The following MARCHF1 variants were observed in gnomAD, a reference collection of about 807,000 sequenced individuals.
MARCHF1 encodes membrane associated ring-CH-type finger 1, also known as E3 ubiquitin-protein ligase MARCHF1.
MARCHF1 carries 40 observed loss-of-function variants against 54.2 expected under a neutral mutation model. The ratio of observed to expected loss-of-function variants is 0.74; its 90% confidence interval spans 0.57 to 0.96. The LOEUF (loss-of-function observed/expected upper bound fraction) is 0.96, where lower values mean the gene tolerates loss of function less well. MARCHF1 is among the 40% of genes least tolerant of loss of function. The pLI is 0.00. For synonymous variants in MARCHF1, 236 were observed against 236.3 expected (o/e 1.00, Z 0.01); for missense variants, 586 against 656.5 (o/e 0.89, Z 1.17).
chr4:163,795,418 T>TG (rs1747886778), intron 4 of MARCHF1, among the ~76,000 whole-genome samples: 1 of 152,048 alleles, frequency 6.6e-6, no homozygotes, highest in Non-Finnish European at 1.5e-5. Flanking sequence ...TTAGTAGAGA[T>TG]GGGGTTTCAC....
chr4:164,284,431 G>C (rs762402545), intron 1 of MARCHF1, among the ~76,000 whole-genome samples: 1 of 150,738 alleles, frequency 6.6e-6, no homozygotes, highest in Admixed American at 6.8e-5. Context: ...ACGCCCTATA[G>C]TGTTTTGGTG....
intron 2 of MARCHF1, among the ~76,000 whole-genome samples, chr4:164,103,831 G>T (rs1482389567): frequency 7.7e-6 from 1 of 129,494 alleles, no homozygotes; most frequent in Non-Finnish European, 1.6e-5. Context: ...CCAGGAGCTG[G>T]TTTTTTGAAA....
chr4:163,873,043 CAAA>C lies in MARCHF1; in HGVS notation c.-38-18877_-38-18875del, dbSNP rs34308466. On this transcript the variant is annotated intron_variant, in intron 3 of 9. Coordinates refer to ENST00000514618, the MANE Select transcript of MARCHF1 (RefSeq NM_001394959.1). The stretch of plus-strand genomic sequence containing the variant: ...TGGGCGACAGAGCGAGACTCCGTCT[CAAA>C]AAAAAAACAAACAAACAAACAAAAA... Among the ~76,000 whole-genome samples, 392 of 138,354 alleles carry C rather than the reference CAAA, an allele frequency of 2.8e-3. 1 individual carries two copies. The highest frequency in any genetic ancestry group is 0.01 in the African/African-American group (356 of 34,812). 90.8% of individuals were successfully genotyped at this position (138,354 alleles called of 152,430 possible). A position where few individuals can be genotyped will look rare whatever the true frequency, so the allele number is the denominator to read the frequency against.
At chr4:164,230,826 T>C (rs980272920) in intron 1 of MARCHF1, among the ~76,000 whole-genome samples, 1 of 152,154 alleles carries the variant, frequency 6.6e-6, no homozygotes, top group Non-Finnish European at 1.5e-5. Context: ...ATTATTATTA[T>C]TATTCTTGGT....
chr4:164,022,859 C>A (rs1394954818), intron 2 of MARCHF1, among the ~76,000 whole-genome samples: 1 of 152,218 alleles, frequency 6.6e-6, no homozygotes, highest in Non-Finnish European at 1.5e-5. Flanking sequence ...CCCTGCCTGG[C>A]CACCCCACAG....
intron 2 of MARCHF1, among the ~76,000 whole-genome samples, chr4:164,020,463 A>G (rs974104835): frequency 6.6e-6 from 1 of 152,228 alleles, no homozygotes; most frequent in Non-Finnish European, 1.5e-5. Context: ...CTAGATCTAA[A>G]TCAGTTTACA....
At chr4:164,070,307 G>T (rs1754835809) in intron 2 of MARCHF1, among the ~76,000 whole-genome samples, 1 of 152,008 alleles carries the variant, frequency 6.6e-6, no homozygotes, top group Non-Finnish European at 1.5e-5. Flanking sequence ...ATACATACAG[G>T]CCTTAAATAA....
At chr4:163,984,060 A>G (rs1252092227) in intron 3 of MARCHF1, among the ~76,000 whole-genome samples, 2 of 152,034 alleles carry the variant, frequency 1.3e-5, no homozygotes, top group African/African-American at 2.4e-5. Flanking sequence ...GGAAAAATAT[A>G]TATCACAAAA....
At chr4:163,990,237 TA>T (rs751215717) in intron 2 of MARCHF1, among the ~76,000 whole-genome samples, 16 of 152,188 alleles carry the variant, frequency 1.1e-4, no homozygotes, top group Non-Finnish European at 2.2e-4. Context: ...CCCATGGTTC[TA>T]ACCCCTACCA....
chr4:163,631,776 T>A (rs867413442), intron 5 of MARCHF1, among the ~76,000 whole-genome samples: 1 of 152,178 alleles, frequency 6.6e-6, no homozygotes, highest in Non-Finnish European at 1.5e-5. Flanking sequence ...TTACATATGA[T>A]ACCAAAAGCA....
chr4:163,988,021 G>A (rs1752902774), intron 3 of MARCHF1, among the ~76,000 whole-genome samples: 1 of 152,186 alleles, frequency 6.6e-6, no homozygotes, highest in Admixed American at 6.5e-5. Context: ...GATCTTATGA[G>A]GCTCTAACTC....
chr4:164,050,804 A>T (rs1295515741), intron 2 of MARCHF1, among the ~76,000 whole-genome samples: 1 of 152,074 alleles, frequency 6.6e-6, no homozygotes, highest in Non-Finnish European at 1.5e-5. Flanking sequence ...GTGGTGGTGC[A>T]TGCCTGTAAT....
intron 2 of MARCHF1, among the ~76,000 whole-genome samples, chr4:164,013,481 A>G (rs770380920): frequency 1.3e-5 from 2 of 152,184 alleles, no homozygotes; most frequent in Non-Finnish European, 2.9e-5. Context: ...ATTCAAAGAA[A>G]TAATAACAGA....
rs1306544231 is a variant in MARCHF1 at position 164,097,391 on chromosome 4, G to A, written c.-248+14197C>T. Among the ~76,000 whole-genome samples, 10 of 151,942 alleles carry A rather than the reference G, an allele frequency of 6.6e-5. No homozygotes were observed. The East Asian group carries it at 7.7e-4, about 12-fold the overall frequency. On this transcript the variant is annotated intron_variant, in intron 2 of 9. Transcript: ENST00000514618. ...GTCAGTAAACCACAATAGCATTAGC[G>A]ATATCTTTGAAATTTTCATTTAAGA...
intron 1 of MARCHF1, among the ~76,000 whole-genome samples, chr4:164,148,483 T>A (rs1334244775): frequency 6.6e-6 from 1 of 152,130 alleles, no homozygotes; most frequent in Non-Finnish European, 1.5e-5. Context: ...TTCTTTATCC[T>A]TTTCCTAATT....
chr4:163,689,653 A>ATT (rs199732729), intron 5 of MARCHF1, among the ~76,000 whole-genome samples: 6 of 138,422 alleles, frequency 4.3e-5, no homozygotes, highest in African/African-American at 2.7e-5. Flanking sequence ...ACCTGCGTGG[A>ATT]TTTTTTTTTT....
At chr4:164,326,687 T>C (rs926542535) in intron 1 of MARCHF1, among the ~76,000 whole-genome samples, 7 of 152,214 alleles carry the variant, frequency 4.6e-5, no homozygotes, top group African/African-American at 7.2e-5. Context: ...GTTGTATTTA[T>C]ATAAACTAGA....
chr4:163,868,115 G>A (rs570334973), intron 3 of MARCHF1, among the ~76,000 whole-genome samples: 2 of 151,962 alleles, frequency 1.3e-5, no homozygotes, highest in African/African-American at 2.4e-5. Flanking sequence ...AGAAATGGAT[G>A]GGTGCAATTT....
chr4:164,069,990 A>G (rs1754828349), intron 2 of MARCHF1, among the ~76,000 whole-genome samples: 1 of 152,218 alleles, frequency 6.6e-6, no homozygotes, highest in Non-Finnish European at 1.5e-5. Context: ...TTGAGACTGT[A>G]GCCCTAAGAG....
Sources: allele counts gnomAD v4.1 joint callset (sites outside exome capture counted in the v4.1 genomes callset), GRCh38; gene constraint gnomAD v4.1.1; transcripts MANE v1.5; gene names NCBI Gene and HGNC (gene_info 2026-07-23, HGNC 2026-07-21).